The following KIF7 variants were observed in gnomAD, a reference collection of about 807,000 sequenced individuals.
The protein encoded by KIF7 is kinesin-like protein KIF7.
In KIF7, 104 loss-of-function variants were observed where a neutral mutation model predicts 135.7. That is an observed-to-expected ratio of 0.77 (90% confidence interval 0.65 to 0.90). KIF7 has a LOEUF of 0.90. Ranked by LOEUF, KIF7 falls within the 40% of genes least tolerant of loss-of-function variation. KIF7 has a pLI of 0.00. For missense variants in KIF7, 2,005 were observed against 1,839.1 expected, an observed-to-expected ratio of 1.09 and a Z score of -1.65; for synonymous variants, 883 against 809.4, an observed-to-expected ratio of 1.09 and a Z score of -1.54.
chr15:89,641,319 C>T (rs1213164059), intron 11 of KIF7, among the ~76,000 whole-genome samples: 2 of 152,096 alleles, frequency 1.3e-5, no homozygotes, highest in African/African-American at 2.4e-5. Flanking sequence ...CTGTAGACAC[C>T]TTGAGCTCGG....
chr15:89,639,990 T>G (rs1963887466), intron 11 of KIF7, among the ~76,000 whole-genome samples: 1 of 152,198 alleles, frequency 6.6e-6, no homozygotes, highest in South Asian at 2.1e-4. Flanking sequence ...ATGTCCTTTG[T>G]AGGGACATGG....
chr15:89,655,042 A>C (rs1484873106), intron 1 of KIF7, among the ~76,000 whole-genome samples: 2 of 152,138 alleles, frequency 1.3e-5, no homozygotes, highest in Non-Finnish European at 2.9e-5. Flanking sequence ...CGCTATTCGG[A>C]GCCGGGGCAG....
downstream of KIF7, chr15:89,626,847 G>A (rs1963536751): frequency 1.6e-6 from 2 of 1,267,508 alleles, no homozygotes; most frequent in East Asian, 2.3e-5. Context: ...AAGCAGTGCT[G>A]ATTTTCTTAA....
chr15:89,622,185 C>T (rs1277066443), intron 1 of KIF7, among the ~76,000 whole-genome samples: 1 of 151,940 alleles, frequency 6.6e-6, no homozygotes, highest in Admixed American at 6.6e-5. Context: ...GGGGTTTCAC[C>T]ATGTTGGCCA....
chr15:89,617,928 G>C, intron 2 of KIF7: 1 of 524,908 alleles, frequency 1.9e-6, no homozygotes, highest in Non-Finnish European at 3.4e-6. Context: ...CTGACCTCAA[G>C]TGATCCGCCC....
At chr15:89,619,408 TAG>T (rs1263016156) in intron 1 of KIF7, among the ~76,000 whole-genome samples, 3 of 152,026 alleles carry the variant, frequency 2.0e-5, no homozygotes, top group Non-Finnish European at 4.4e-5. Flanking sequence ...GTATTTTTAG[TAG>T]AGACAGGGTT....
downstream of KIF7, chr15:89,627,790 CA>C (rs539941455): frequency 3.3e-5 from 5 of 152,624 alleles, no homozygotes; most frequent in East Asian, 9.7e-4. Flanking sequence ...AAGAGTGCCC[CA>C]CAGGAGTGCC....
chr15:89,633,216 C>A lies in KIF7; in HGVS notation c.2643G>T (p.Thr881=), dbSNP rs754372387. ...TCCTCTGGAATGCCGCGATCTCTTC[C>A]GTCTTAATCTTCAGGATCTTCTGCT... ...EQQQKILKIK[T]EEIAAFQRKR... The change falls in exon 13 of 19, where the codon ACG becomes ACT. Residue 881 remains threonine, a synonymous_variant. Coordinates refer to ENST00000394412, the MANE Select transcript of KIF7 (RefSeq NM_198525.3). 1.3e-6 allele frequency: 2 copies of A among 1,596,258 alleles called. No individual in the cohort carries two copies. Among genetic ancestry groups the A allele is most frequent in the Non-Finnish European group, 1.7e-6 (2 of 1,174,014 alleles).
In KIF7 at chr15:89,649,213, C is replaced by G. The variant is rs1487348919; in HGVS notation, c.684G>C (p.Arg228=). Residue 228 remains arginine (R), a synonymous_variant, in exon 4 of 19, where the codon CGG becomes CGC. Transcript: ENST00000394412. ...HTVFTVTLEQ[R]GRAPSRLPRP... is the part of the protein sequence containing the mutation. ...GGGGTAGGCGGCTGGGGGCGCGCCC[C>G]CGCTGCTCCAGGGTCACGGTGAAGA... 3.9e-6 allele frequency: 6 copies of G among 1,546,306 alleles called. No homozygotes were observed. In the East Asian group the frequency reaches 9.8e-5, roughly 25 times the overall value.
Position 89,628,260 on chromosome 15 carries a change from T to A in KIF7, c.*159A>T. 1 of 845,606 alleles carries A rather than the reference T, an allele frequency of 1.2e-6. No individual in the cohort carries two copies. The highest frequency in any genetic ancestry group is 2.4e-5 in the South Asian group (1 of 42,048). The allele number at this position is 845,606 out of a possible 1,614,324, so 52.4% of individuals were successfully genotyped here. A position where few individuals can be genotyped will look rare whatever the true frequency, so the allele number is the denominator to read the frequency against. On this transcript the variant is annotated 3_prime_UTR_variant, in exon 19 of 19. Coordinates refer to ENST00000394412, the MANE Select transcript of KIF7 (RefSeq NM_198525.3). ...TTTGTTAAATGAGGGTCCAGTTCTT[T>A]TGGGCCATGGCCCAAATTTGTTGAT... is the stretch of plus-strand genomic sequence containing the variant.
intron 1 of KIF7, chr15:89,621,507 G>C: frequency 6.2e-7 from 1 of 1,613,874 alleles, no homozygotes; most frequent in Non-Finnish European, 8.5e-7. Context: ...ATGAAAAAGC[G>C]TTCAAGAAAC....
chr15:89,629,420 T>G lies in KIF7; in HGVS notation c.3472A>C (p.Lys1158Gln), dbSNP rs748294001. The G allele has an allele frequency of 2.5e-6, 4 of 1,607,420 alleles. No individual in the cohort carries two copies. The highest frequency in any genetic ancestry group is 2.2e-5 in the East Asian group (1 of 44,866). Residue 1158 changes from lysine to glutamine, a missense_variant, in exon 17 of 19, where the codon AAG becomes CAG. Transcript: ENST00000394412. ...AGCTGCATGTTCTGCTCGTGCTCCT[T>G]CTGCTGCAGGGTCAGCTGGCGGTCC... ...EMDRQLTLQQ[K>Q]EHEQNMQLLL...
chr15:89,626,575 C>T (rs1963531395), downstream of KIF7, among the ~76,000 whole-genome samples: 1 of 152,140 alleles, frequency 6.6e-6, no homozygotes, highest in African/African-American at 2.4e-5. Flanking sequence ...CCTTCTGCTG[C>T]TAGAATCAAA....
At chr15:89,618,843 C>T (rs1057350251) in intron 1 of KIF7, among the ~76,000 whole-genome samples, 2 of 152,202 alleles carry the variant, frequency 1.3e-5, no homozygotes, top group East Asian at 3.9e-4. Flanking sequence ...CCTATGGTCC[C>T]AGCTACTCGG....
In KIF7 at chr15:89,652,764, C is replaced by G; in HGVS notation, c.167G>C (p.Gly56Ala). 6.4e-7 allele frequency: 1 copy of G among 1,551,678 alleles called. No individual in the cohort carries two copies. The change falls in exon 2 of 19, where the codon GGC becomes GCC. Residue 56 changes from glycine (G) to alanine (A), a missense_variant. Transcript: ENST00000394412. ...RVTLGRDRHF[G>A]FHVVLAEDAG... Reference sequence around the variant, plus strand: ...ATCCTCGGCCAGCACCACGTGGAAGCCAAAGTGTCGGTCACGGCCCAGAGT... The same window carrying G: ...ATCCTCGGCCAGCACCACGTGGAAGGCAAAGTGTCGGTCACGGCCCAGAGT...
downstream of KIF7, chr15:89,623,918 C>T (rs1483762355): frequency 2.5e-6 from 4 of 1,613,964 alleles, no homozygotes; most frequent in Non-Finnish European, 3.4e-6. Flanking sequence ...GGTACTCAGC[C>T]GCCTGGGTTT....
chr15:89,638,035 T>A (rs1488620574), intron 11 of KIF7, among the ~76,000 whole-genome samples: 1 of 105,202 alleles, frequency 9.5e-6, no homozygotes, highest in Non-Finnish European at 2.2e-5. Flanking sequence ...TCAATAAATG[T>A]AATCCAGCAT....
At chr15:89,625,116 C>G, downstream of KIF7, 1 of 1,613,936 alleles carries the variant, frequency 6.2e-7, no homozygotes. Flanking sequence ...AGAGCTTCCT[C>G]CCTGCTCTCA....
In KIF7 at chr15:89,647,057, T is replaced by C; in HGVS notation, c.1561A>G (p.Ser521Gly). 1 of 1,582,606 alleles carries C rather than the reference T, an allele frequency of 6.3e-7. No individual in the cohort carries two copies. The highest frequency in any genetic ancestry group is 8.6e-7 in the Non-Finnish European group (1 of 1,166,714). ...EDAMEQYKLQ[S>G]DRLREQQEEM... ...TCCTGCTGCTCACGCAGCCGGTCGCTCTGCAAGACATGGTCCAGGTGCCAA... is the reference window on the plus strand; with the variant it reads ...TCCTGCTGCTCACGCAGCCGGTCGCCCTGCAAGACATGGTCCAGGTGCCAA... Residue 521 changes from serine to glycine, a missense_variant and splice_region_variant, in exon 7 of 19, where the codon AGC (serine) becomes GGC (glycine). Ser to Gly is a moderately conservative substitution (Grantham distance 56). Coordinates refer to ENST00000394412, the MANE Select transcript of KIF7 (RefSeq NM_198525.3).
Sources: gnomAD v4.1 joint callset for allele counts (sites outside exome capture counted in the v4.1 genomes callset) on GRCh38, gnomAD v4.1.1 for gene constraint, MANE v1.5 for transcripts, NCBI Gene and HGNC (gene_info 2026-07-23, HGNC 2026-07-21) for gene names.